The following GRID2 variants were observed in gnomAD, a reference collection of about 807,000 sequenced individuals.
GRID2 encodes glutamate receptor ionotropic, delta-2.
GRID2 carries 33 observed loss-of-function variants against 114.8 expected under a neutral mutation model. That is an observed-to-expected ratio of 0.29 (90% CI 0.22 to 0.38). The LOEUF is 0.38. Ranked by LOEUF, GRID2 falls within the 10% of genes least tolerant of loss-of-function variation. GRID2 has a pLI of 1.00. For synonymous variants in GRID2, 505 were observed against 449.9 expected, an observed-to-expected ratio of 1.12 and a Z score of -1.55; for missense variants, 1,184 against 1,257.7, an observed-to-expected ratio of 0.94 and a Z score of 0.89.
At chr4:92,373,778 T>C (rs1479940131) in intron 1 of GRID2, among the ~76,000 whole-genome samples, 2 of 152,200 alleles carry the variant, frequency 1.3e-5, no homozygotes, top group Non-Finnish European at 2.9e-5. Flanking sequence ...TTGTGGGTTT[T>C]ACTTTGCTTG....
intron 2 of GRID2, among the ~76,000 whole-genome samples, chr4:92,945,048 A>T (rs779617180): frequency 6.6e-6 from 1 of 152,192 alleles, no homozygotes; most frequent in South Asian, 2.1e-4. Flanking sequence ...GGTGGTAACT[A>T]CTTGAAAATA....
chr4:92,827,974 C>A (rs1275684655), intron 2 of GRID2, among the ~76,000 whole-genome samples: 1 of 151,950 alleles, frequency 6.6e-6, no homozygotes, highest in East Asian at 1.9e-4. Flanking sequence ...CAAAATATAT[C>A]TCCACAAATG....
Position 92,669,417 on chromosome 4 carries a change from G to A in GRID2, c.244+79131G>A, listed in dbSNP as rs138550489. On this transcript the variant is annotated intron_variant, in intron 2 of 15. Transcript: ENST00000282020. ...AGGGTACCTGAGCAGCGATCCTATGGAGAGCTGAAACAGAGTAACTGCAGG... is the reference window on the plus strand; with the variant it reads ...AGGGTACCTGAGCAGCGATCCTATGAAGAGCTGAAACAGAGTAACTGCAGG... Among the ~76,000 whole-genome samples the A allele has an allele frequency of 3.3e-3, 505 of 152,012 alleles. 4 individuals are homozygous for A. The highest frequency in any genetic ancestry group is 0.02 in the Middle Eastern group (6 of 294).
chr4:92,573,130 C>T (rs900989498), intron 1 of GRID2, among the ~76,000 whole-genome samples: 11 of 152,108 alleles, frequency 7.2e-5, no homozygotes, highest in Non-Finnish European at 1.3e-4. Context: ...ATAGTATCCT[C>T]TGATGGTTGT....
At chr4:92,543,485 G>A (rs1055007629) in intron 1 of GRID2, among the ~76,000 whole-genome samples, 3 of 151,988 alleles carry the variant, frequency 2.0e-5, no homozygotes, top group African/African-American at 7.2e-5. Context: ...CATCCTATTA[G>A]CCTTAATGAA....
intron 11 of GRID2, among the ~76,000 whole-genome samples, chr4:93,467,057 A>T (rs992014360): frequency 2.8e-4 from 43 of 152,210 alleles, no homozygotes; most frequent in African/African-American, 1.0e-3. Flanking sequence ...ATGTTATTGC[A>T]ACACTAAAAT....
Position 93,407,877 on chromosome 4 carries a change from C to G in GRID2, c.1347+12169C>G, listed in dbSNP as rs192083557. Among the ~76,000 whole-genome samples the G allele has an allele frequency of 3.3e-5, 5 of 151,242 alleles. No homozygotes were observed. The East Asian group carries it at 9.8e-4, about 30-fold the overall frequency. ...CCTGCTTCTCCTTCTCCTCCTTCTT[C>G]TTCATTTTTATTTTTAACCATTGCT... On this transcript the variant is annotated intron_variant, in intron 9 of 15. Coordinates refer to ENST00000282020, the MANE Select transcript of GRID2 (RefSeq NM_001510.4).
chr4:92,318,748 A>G (rs1053854866), intron 1 of GRID2, among the ~76,000 whole-genome samples: 21 of 152,054 alleles, frequency 1.4e-4, no homozygotes, highest in African/African-American at 3.4e-4. Context: ...TGCTGGGATT[A>G]CAAGCGTGAG....
At chr4:93,358,607 T>C (rs1298690145) in intron 8 of GRID2, among the ~76,000 whole-genome samples, 1 of 151,908 alleles carries the variant, frequency 6.6e-6, no homozygotes, top group East Asian at 1.9e-4. Flanking sequence ...TAAGAGATTT[T>C]AAAAAAGAAA....
chr4:93,297,889 T>C lies in GRID2; in HGVS notation c.1245+59399T>C, dbSNP rs555238460. On this transcript the variant is annotated intron_variant, in intron 8 of 15. Coordinates refer to ENST00000282020, the MANE Select transcript of GRID2 (RefSeq NM_001510.4). ...CTTAGGAAATCAGATGGAGCATACA[T>C]AGGAAGTATATAACACAATATTATC... is the stretch of plus-strand genomic sequence containing the variant. 1.2e-4 allele frequency among the ~76,000 whole-genome samples: 19 copies of C among 152,334 alleles called. 1 individual carries two copies. In the South Asian group the frequency reaches 3.9e-3, roughly 32 times the overall value.
intron 2 of GRID2, among the ~76,000 whole-genome samples, chr4:92,656,118 A>G (rs1406000738): frequency 1.3e-5 from 2 of 151,646 alleles, no homozygotes; most frequent in African/African-American, 2.4e-5. Flanking sequence ...CTTCCATACT[A>G]TTTTTTATAA....
chr4:92,993,423 A>C (rs1169680233), intron 2 of GRID2, among the ~76,000 whole-genome samples: 1 of 152,102 alleles, frequency 6.6e-6, no homozygotes. Flanking sequence ...TTCTTACCCA[A>C]TGTGAACTTA....
At chr4:92,631,406 A>G (rs1380148108) in intron 2 of GRID2, among the ~76,000 whole-genome samples, 1 of 152,174 alleles carries the variant, frequency 6.6e-6, no homozygotes, top group Non-Finnish European at 1.5e-5. Flanking sequence ...CCTGTAAATA[A>G]CAGGTTAGGT....
At chr4:93,021,329 T>C (rs948303358) in intron 2 of GRID2, among the ~76,000 whole-genome samples, 3 of 150,832 alleles carry the variant, frequency 2.0e-5, no homozygotes, top group Non-Finnish European at 1.5e-5. Context: ...ATGGAAAAAT[T>C]AATAACTTAG....
At position 93,726,847 on chromosome 4, in the gene GRID2, C is replaced by T. The variant is rs995490284; in HGVS notation, c.2361-42363C>T. Among the ~76,000 whole-genome samples the T allele has an allele frequency of 1.7e-4, 26 of 152,274 alleles. 1 individual carries two copies. The highest frequency in any genetic ancestry group is 1.2e-3 in the Admixed American group (18 of 15,300). On this transcript the variant is annotated intron_variant, in intron 14 of 15. Coordinates refer to ENST00000282020, the MANE Select transcript of GRID2 (RefSeq NM_001510.4). ...TGTACATTGATTTTGTATCCTGAGA[C>T]TTTGCTGAAATTGCTTATCAGCTTA... is the stretch of plus-strand genomic sequence containing the variant.
At chr4:93,059,637 CTA>C (rs1014545416) in intron 2 of GRID2, among the ~76,000 whole-genome samples, 5 of 152,026 alleles carry the variant, frequency 3.3e-5, no homozygotes, top group African/African-American at 1.2e-4. Flanking sequence ...GTTAACAGTA[CTA>C]TGTTTTTCAT....
At chr4:92,937,636 T>A (rs1035348688) in intron 2 of GRID2, among the ~76,000 whole-genome samples, 3 of 146,882 alleles carry the variant, frequency 2.0e-5, no homozygotes, top group Non-Finnish European at 4.5e-5. Flanking sequence ...AAGGGCAAAT[T>A]ACCCTGTTAT....
chr4:93,719,202 A>C (rs1288607441), intron 14 of GRID2, among the ~76,000 whole-genome samples: 1 of 151,982 alleles, frequency 6.6e-6, no homozygotes, highest in Non-Finnish European at 1.5e-5. Flanking sequence ...CTTAAGATTT[A>C]TTTTCTTCCC....
At chr4:93,298,541 G>T (rs1475279361) in intron 8 of GRID2, among the ~76,000 whole-genome samples, 2 of 152,168 alleles carry the variant, frequency 1.3e-5, no homozygotes, top group African/African-American at 4.8e-5. Flanking sequence ...TGGTGGGTAG[G>T]ATTTCAGCAT....
Sources: allele counts gnomAD v4.1 joint callset (sites outside exome capture counted in the v4.1 genomes callset), GRCh38; gene constraint gnomAD v4.1.1; transcripts MANE v1.5; gene names NCBI Gene and HGNC (gene_info 2026-07-23, HGNC 2026-07-21).